Variants in DIS3L2 observed in about 807,000 individuals in gnomAD.
The protein encoded by DIS3L2 is DIS3 like 3'-5' exoribonuclease 2.
In DIS3L2, 34 loss-of-function variants were observed where a neutral mutation model predicts 97.5. That is an observed-to-expected ratio of 0.35 (90% CI 0.27 to 0.46). The LOEUF is 0.46. Ranked by LOEUF, DIS3L2 falls within the 20% of genes least tolerant of loss-of-function variation. The probability of loss-of-function intolerance (pLI) is 1.00; values close to 1 mark genes in which losing one functional copy is unlikely to be tolerated. For synonymous variants in DIS3L2, 435 were observed against 445.2 expected (o/e 0.98, Z 0.29); for missense variants, 1,038 against 1,146.0 (o/e 0.91, Z 1.36).
chr2:232,296,570 A>G (rs145471587), intron 13 of DIS3L2, among the ~76,000 whole-genome samples: 5 of 152,278 alleles, frequency 3.3e-5, no homozygotes, highest in African/African-American at 1.2e-4. Flanking sequence ...TTCTCGTGGT[A>G]GTGAATAAGC....
chr2:232,113,398 T>C (rs1008581138), intron 6 of DIS3L2, among the ~76,000 whole-genome samples: 2 of 152,174 alleles, frequency 1.3e-5, no homozygotes, highest in Non-Finnish European at 2.9e-5. Flanking sequence ...AAACTATAGG[T>C]GACAGTACTA....
chr2:231,996,102 C>A (rs902204933), intron 1 of DIS3L2, among the ~76,000 whole-genome samples: 1 of 152,192 alleles, frequency 6.6e-6, no homozygotes, highest in African/African-American at 2.4e-5. Flanking sequence ...ACAGCAAGGT[C>A]AACTAAGATC....
intron 9 of DIS3L2, among the ~76,000 whole-genome samples, chr2:232,164,834 C>T (rs1339420058): frequency 1.3e-5 from 2 of 152,080 alleles, no homozygotes; most frequent in South Asian, 2.1e-4. Flanking sequence ...TCAGGGGCTC[C>T]GAGGTCTTGG....
intron 1 of DIS3L2, among the ~76,000 whole-genome samples, chr2:232,009,356 C>T (rs551765068): frequency 3.3e-5 from 5 of 152,224 alleles, no homozygotes; most frequent in South Asian, 2.1e-4. Flanking sequence ...GAGGTGGTTG[C>T]TCTTTTTGTT....
chr2:232,182,578 T>C (rs1691321357), intron 9 of DIS3L2, among the ~76,000 whole-genome samples: 1 of 152,242 alleles, frequency 6.6e-6, no homozygotes. Context: ...TTTTTTGCTT[T>C]GTGTATTTTG....
At chr2:232,125,474 G>A (rs1698037281) in intron 6 of DIS3L2, among the ~76,000 whole-genome samples, 1 of 152,116 alleles carries the variant, frequency 6.6e-6, no homozygotes, top group Admixed American at 6.5e-5. Flanking sequence ...GTCAACACCA[G>A]CATCCTGCAT....
At chr2:232,172,821 G>A in intron 9 of DIS3L2, 1 of 526,328 alleles carries the variant, frequency 1.9e-6, no homozygotes, top group Non-Finnish European at 3.9e-6. Context: ...CATTGTAGGT[G>A]TGGGGTAGTA....
intron 9 of DIS3L2, among the ~76,000 whole-genome samples, chr2:232,193,195 T>C (rs969369476): frequency 1.3e-5 from 2 of 152,194 alleles, no homozygotes; most frequent in African/African-American, 4.8e-5. Context: ...TTTGGGTGAG[T>C]GAATGTAAGG....
intron 8 of DIS3L2, among the ~76,000 whole-genome samples, chr2:232,154,816 G>A (rs1431598370): frequency 1.1e-4 from 14 of 128,712 alleles, no homozygotes; most frequent in Admixed American, 4.1e-4. Context: ...TTGCCGCCTT[G>A]CAGTTTGATC....
intron 13 of DIS3L2, among the ~76,000 whole-genome samples, chr2:232,294,105 G>A (rs1056754279): frequency 5.9e-5 from 9 of 152,154 alleles, no homozygotes; most frequent in African/African-American, 2.2e-4. Flanking sequence ...GTTCTGGCCC[G>A]CATGACCAGA....
intron 1 of DIS3L2, among the ~76,000 whole-genome samples, chr2:232,000,800 C>T (rs1693874907): frequency 6.9e-6 from 1 of 145,770 alleles, no homozygotes; most frequent in African/African-American, 2.5e-5. Flanking sequence ...CTCCTGAGCT[C>T]GAGCAGTTCT....
At chr2:232,323,426 T>G (rs1421711016) in intron 14 of DIS3L2, among the ~76,000 whole-genome samples, 1 of 152,184 alleles carries the variant, frequency 6.6e-6, no homozygotes, top group Non-Finnish European at 1.5e-5. Context: ...AATGTGGCCA[T>G]CTAGCCTCTG....
chr2:232,277,892 C>A (rs745413685), intron 13 of DIS3L2, among the ~76,000 whole-genome samples: 1 of 152,154 alleles, frequency 6.6e-6, no homozygotes, highest in African/African-American at 2.4e-5. Context: ...GCAGTTGGAA[C>A]AAGTGCTATG....
chr2:232,225,317 A>G (rs1233521411), intron 10 of DIS3L2, among the ~76,000 whole-genome samples: 5 of 152,202 alleles, frequency 3.3e-5, no homozygotes, highest in Non-Finnish European at 4.4e-5. Flanking sequence ...CAAAAAACCA[A>G]AAACAATCTA....
intron 14 of DIS3L2, chr2:232,329,574 A>C (rs1416527954): frequency 4.8e-6 from 2 of 419,918 alleles, no homozygotes; most frequent in African/African-American, 4.1e-5. Context: ...GAGAGCCAGC[A>C]CAGGAGCTAA....
chr2:231,983,481 T>C (rs1693317488), intron 1 of DIS3L2, among the ~76,000 whole-genome samples: 1 of 152,204 alleles, frequency 6.6e-6, no homozygotes, highest in Non-Finnish European at 1.5e-5. Flanking sequence ...GCATTACTGT[T>C]TGAGCTCCAC....
Position 232,281,423 on chromosome 2 carries a change from GT to G in DIS3L2, c.1659+17987del, listed in dbSNP as rs1694282192. Among the ~76,000 whole-genome samples the G allele has an allele frequency of 6.6e-6, 1 of 152,108 alleles. No homozygotes were observed. The highest frequency in any genetic ancestry group is 2.1e-4 in the South Asian group (1 of 4,822). On this transcript the variant is annotated intron_variant, in intron 13 of 20. Coordinates refer to ENST00000325385, the MANE Select transcript of DIS3L2 (RefSeq NM_152383.5). This position sits in a 1 kb window ranked among gnomAD's most constrained non-coding sequence, Gnocchi z 4.1. ...CAAAAAGAAAAAAAGAAATATGAAT[GT>G]TTTCTTGAATTCAACTTGGTGCTGT...
At chr2:232,136,975 C>A (rs1175719858) in intron 8 of DIS3L2, among the ~76,000 whole-genome samples, 1 of 152,112 alleles carries the variant, frequency 6.6e-6, no homozygotes, top group East Asian at 1.9e-4. Flanking sequence ...CGAGCCTCTA[C>A]TTATTTAGTT....
At position 232,136,464 on chromosome 2, in the gene DIS3L2, G is replaced by A; in HGVS notation, c.703-8G>A. On this transcript the variant is annotated splice_region_variant and splice_polypyrimidine_tract_variant and intron_variant, in intron 7 of 20. Transcript: ENST00000325385. ...AAACAACATTGACTATATCTTTGGT[G>A]TTTTTAGGTGGTTTACATCTTGGAG... The A allele has an allele frequency of 6.2e-7, 1 of 1,613,742 alleles. No individual in the cohort carries two copies. The highest frequency in any genetic ancestry group is 8.5e-7 in the Non-Finnish European group (1 of 1,179,732).
Sources: allele counts gnomAD v4.1 joint callset (sites outside exome capture counted in the v4.1 genomes callset), GRCh38; gene constraint gnomAD v4.1.1; non-coding constraint Gnocchi (gnomAD v3.1); transcripts MANE v1.5; gene names NCBI Gene and HGNC (gene_info 2026-07-23, HGNC 2026-07-21).